The following RUNX2 variants were observed in gnomAD, a reference collection of about 807,000 sequenced individuals.
RUNX2 encodes runt-related transcription factor 2.
In RUNX2, 10 loss-of-function variants were observed where a neutral mutation model predicts 51.7. That is an observed-to-expected ratio of 0.19 (90% CI 0.12 to 0.33). RUNX2 has a LOEUF of 0.33. Ranked by LOEUF, RUNX2 falls within the 10% of genes least tolerant of loss-of-function variation. The probability of loss-of-function intolerance (pLI) is 1.00; values close to 1 mark genes in which losing one functional copy is unlikely to be tolerated. For missense variants in RUNX2, 562 were observed against 691.3 expected (o/e 0.81, Z 2.10); for synonymous variants, 276 against 273.6 (o/e 1.01, Z -0.09).
chr6:45,350,658 C>G (rs1433329688), intron 2 of RUNX2, among the ~76,000 whole-genome samples: 1 of 152,068 alleles, frequency 6.6e-6, no homozygotes, highest in African/African-American at 2.4e-5. Context: ...TTTCTGGCTG[C>G]TAAGATGTGG....
chr6:45,502,553 G>A (rs954565842), intron 6 of RUNX2, among the ~76,000 whole-genome samples: 1 of 152,080 alleles, frequency 6.6e-6, no homozygotes. Flanking sequence ...TACCCATCCA[G>A]AACTCATCCT....
chr6:45,349,430 A>C (rs1195331819), intron 2 of RUNX2, among the ~76,000 whole-genome samples: 1 of 152,190 alleles, frequency 6.6e-6, no homozygotes, highest in East Asian at 1.9e-4. Context: ...ACATTATATA[A>C]AAGCACTAGT....
At chr6:45,370,479 G>A (rs1795877170) in intron 2 of RUNX2, among the ~76,000 whole-genome samples, 1 of 152,122 alleles carries the variant, frequency 6.6e-6, no homozygotes, top group African/African-American at 2.4e-5. Context: ...CAGAAGCTTT[G>A]TGAGAGATGT....
intron 5 of RUNX2, among the ~76,000 whole-genome samples, chr6:45,442,333 T>C (rs1029841577): frequency 7.2e-5 from 11 of 152,234 alleles, no homozygotes; most frequent in African/African-American, 2.7e-4. Context: ...AAGCTAGCTC[T>C]GAAGAACAAC....
intron 5 of RUNX2, among the ~76,000 whole-genome samples, chr6:45,481,706 CCTTCTGGTCT>C (rs1328529705): frequency 6.6e-6 from 1 of 152,098 alleles, no homozygotes; most frequent in Non-Finnish European, 1.5e-5. Context: ...CTTAATGTCT[CCTTCTGGTCT>C]CTTTGCTCCA....
At chr6:45,410,750 C>G (rs1008385568) in intron 2 of RUNX2, among the ~76,000 whole-genome samples, 1 of 152,174 alleles carries the variant, frequency 6.6e-6, no homozygotes, top group African/African-American at 2.4e-5. Context: ...AAAATAAGGA[C>G]TGTGCACCGA....
chr6:45,357,708 A>G (rs920580414), intron 2 of RUNX2, among the ~76,000 whole-genome samples: 1 of 152,204 alleles, frequency 6.6e-6, no homozygotes, highest in African/African-American at 2.4e-5. Context: ...AAAAATAATG[A>G]ATTGACAGAA....
intron 5 of RUNX2, among the ~76,000 whole-genome samples, chr6:45,450,864 C>T (rs1209790177): frequency 2.6e-5 from 4 of 152,186 alleles, no homozygotes; most frequent in Non-Finnish European, 5.9e-5. Flanking sequence ...ACTGGACTCA[C>T]ACACCCAAAA....
At chr6:45,330,782 C>A (rs1010205903) in intron 2 of RUNX2, among the ~76,000 whole-genome samples, 1 of 151,790 alleles carries the variant, frequency 6.6e-6, no homozygotes, top group African/African-American at 2.4e-5. Context: ...CACCTTCCCT[C>A]CCCGCCAGCC....
intron 5 of RUNX2, among the ~76,000 whole-genome samples, chr6:45,444,231 C>T (rs1295248086): frequency 6.6e-6 from 1 of 152,170 alleles, no homozygotes; most frequent in Non-Finnish European, 1.5e-5. Context: ...CTGCCTGACA[C>T]ATGTGAGTGG....
chr6:45,379,203 T>C (rs959272109), intron 2 of RUNX2, among the ~76,000 whole-genome samples: 13 of 152,320 alleles, frequency 8.5e-5, no homozygotes, highest in African/African-American at 3.1e-4. Flanking sequence ...AGAATAGATA[T>C]ATTTAGGATG....
intron 2 of RUNX2, among the ~76,000 whole-genome samples, chr6:45,393,305 T>C (rs957701287): frequency 6.6e-5 from 10 of 152,206 alleles, no homozygotes; most frequent in African/African-American, 2.2e-4. Context: ...CTGAGGTAGA[T>C]AGGCCCTCAC....
intron 3 of RUNX2, among the ~76,000 whole-genome samples, chr6:45,429,158 T>G (rs578128603): frequency 6.6e-6 from 1 of 152,304 alleles, no homozygotes; most frequent in Non-Finnish European, 1.5e-5. Flanking sequence ...GATGAAGTTA[T>G]TTTGTGTGAG....
At chr6:45,432,043 GATA>G in intron 4 of RUNX2, 24 bp downstream of exon 4, 1 of 1,611,140 alleles carries the variant, frequency 6.2e-7, no homozygotes, top group Non-Finnish European at 8.5e-7. Flanking sequence ...TTTTGATACT[GATA>G]ATAGAATAAG....
At chr6:45,481,216 T>G (rs1800103803) in intron 5 of RUNX2, among the ~76,000 whole-genome samples, 1 of 152,174 alleles carries the variant, frequency 6.6e-6, no homozygotes, top group Non-Finnish European at 1.5e-5. Flanking sequence ...ATCCAGGAAT[T>G]GCGTGACAGT....
intron 7 of RUNX2, among the ~76,000 whole-genome samples, chr6:45,536,161 A>G (rs1052460637): frequency 6.6e-6 from 1 of 151,838 alleles, no homozygotes; most frequent in Non-Finnish European, 1.5e-5. Context: ...CTTGAATATA[A>G]AGCCAGCTTC....
chr6:45,439,038 TTC>T, intron 5 of RUNX2, among the ~76,000 whole-genome samples: 1 of 152,264 alleles, frequency 6.6e-6, no homozygotes, highest in Non-Finnish European at 1.5e-5. Flanking sequence ...GGCATATCTT[TTC>T]TTCCCCTAAA....
intron 5 of RUNX2, among the ~76,000 whole-genome samples, chr6:45,478,030 T>C (rs1181322349): frequency 1.3e-5 from 2 of 152,146 alleles, no homozygotes; most frequent in East Asian, 1.9e-4. Context: ...CTGTTCCTTC[T>C]GGTTGGAATG....
At chr6:45,539,343 A>G (rs1802146818) in intron 7 of RUNX2, among the ~76,000 whole-genome samples, 2 of 152,296 alleles carry the variant, frequency 1.3e-5, no homozygotes, top group African/African-American at 4.8e-5. Flanking sequence ...CAGAAAACAA[A>G]TATTTAGACT....
Sources: gnomAD v4.1 joint callset for allele counts (sites outside exome capture counted in the v4.1 genomes callset) on GRCh38, gnomAD v4.1.1 for gene constraint, MANE v1.5 for transcripts, NCBI Gene and HGNC (gene_info 2026-07-23, HGNC 2026-07-21) for gene names.